The following CEP128 variants were observed in gnomAD, a reference collection of about 807,000 sequenced individuals.
CEP128 encodes the protein centrosomal protein 128kDa.
A neutral mutation model predicts 156.7 loss-of-function variants in CEP128; 132 were observed. The ratio of observed to expected loss-of-function variants is 0.84; its 90% CI spans 0.73 to 0.97. The LOEUF is 0.97. Ranked by LOEUF, CEP128 falls within the 50% of genes least tolerant of loss-of-function variation. The pLI, the probability that CEP128 is intolerant of heterozygous loss-of-function variation, is 0.00. For synonymous variants in CEP128, 469 were observed against 448.9 expected, an observed-to-expected ratio of 1.04 and a Z score of -0.57; for missense variants, 1,252 against 1,281.9, an observed-to-expected ratio of 0.98 and a Z score of 0.36.
chr14:80,570,193 C>T (rs1357893035), intron 20 of CEP128, among the ~76,000 whole-genome samples: 2 of 152,196 alleles, frequency 1.3e-5, no homozygotes, highest in Non-Finnish European at 2.9e-5. Flanking sequence ...TCTTGGCTCA[C>T]TGCAACCTCC....
At chr14:80,918,189 T>C (rs1274222152) in intron 2 of CEP128, among the ~76,000 whole-genome samples, 1 of 152,236 alleles carries the variant, frequency 6.6e-6, no homozygotes, top group Non-Finnish European at 1.5e-5. Context: ...CACAATTGCT[T>C]AAGTCCAAAG....
intron 23 of CEP128, among the ~76,000 whole-genome samples, chr14:80,521,860 T>C (rs1888760985): frequency 6.6e-6 from 1 of 152,224 alleles, no homozygotes; most frequent in African/African-American, 2.4e-5. Flanking sequence ...AACATCAGTG[T>C]TCACCTACAG....
downstream of CEP128, among the ~76,000 whole-genome samples, chr14:80,495,293 A>G (rs1389877807): frequency 6.6e-6 from 1 of 152,160 alleles, no homozygotes; most frequent in African/African-American, 2.4e-5. Context: ...TTTCCTTAGC[A>G]TTCTTTTTGA....
At chr14:80,521,058 G>A (rs1222939619) in intron 23 of CEP128, among the ~76,000 whole-genome samples, 1 of 146,570 alleles carries the variant, frequency 6.8e-6, no homozygotes, top group East Asian at 2.0e-4. Flanking sequence ...AGCCAGGATG[G>A]TCTCGATCTC....
Position 80,556,793 on chromosome 14 carries a change from C to A in CEP128, c.2880+2486G>T, listed in dbSNP as rs531649907. 1.5e-3 allele frequency among the ~76,000 whole-genome samples: 227 copies of A among 152,248 alleles called. 1 individual carries two copies. The highest frequency in any genetic ancestry group is 5.2e-3 in the African/African-American group (216 of 41,560). ...AACTCAACCAAATATGGACCAACAA[C>A]ATTTTTCTAAGTTTTAAGCACTGAC... On this transcript the variant is annotated intron_variant, in intron 21 of 24. Coordinates refer to ENST00000555265, the MANE Select transcript of CEP128 (RefSeq NM_152446.5).
chr14:80,778,861 T>G (rs1006392484), intron 15 of CEP128, among the ~76,000 whole-genome samples: 23 of 152,350 alleles, frequency 1.5e-4, no homozygotes, highest in African/African-American at 5.5e-4. Context: ...CTTTTCTGTA[T>G]ACAGTTTTTC....
At chr14:80,918,681 C>G (rs181377838) in intron 2 of CEP128, among the ~76,000 whole-genome samples, 296 of 152,254 alleles carry the variant, frequency 1.9e-3, no homozygotes, top group Non-Finnish European at 3.4e-3. Flanking sequence ...ACAAAAAGTG[C>G]TAAAGAGAGC....
intron 4 of CEP128, among the ~76,000 whole-genome samples, chr14:80,906,886 A>T (rs1259986498): frequency 6.6e-6 from 1 of 152,244 alleles, no homozygotes; most frequent in Admixed American, 6.5e-5. Flanking sequence ...TCGGGTCTAG[A>T]TATCTTATTC....
intron 19 of CEP128, among the ~76,000 whole-genome samples, chr14:80,618,657 T>C (rs984698410): frequency 6.6e-6 from 1 of 152,184 alleles, no homozygotes; most frequent in Non-Finnish European, 1.5e-5. Flanking sequence ...GATTTTAATA[T>C]CCACTAAGTG....
intron 8 of CEP128, among the ~76,000 whole-genome samples, chr14:80,864,542 C>T (rs1179988328): frequency 6.6e-6 from 1 of 151,868 alleles, no homozygotes; most frequent in Non-Finnish European, 1.5e-5. Flanking sequence ...AGTTACTATA[C>T]TTGGAAGATT....
At chr14:80,775,902 G>A (rs1005048995) in intron 16 of CEP128, among the ~76,000 whole-genome samples, 4 of 152,164 alleles carry the variant, frequency 2.6e-5, no homozygotes, top group East Asian at 1.9e-4. Context: ...GCACGATCTC[G>A]GCTCGCTGCG....
chr14:80,518,469 C>T (rs1000798074), intron 23 of CEP128, among the ~76,000 whole-genome samples: 5 of 152,046 alleles, frequency 3.3e-5, no homozygotes, highest in Admixed American at 1.3e-4. Context: ...ATTCTATAAA[C>T]GTCAATTAAA....
intron 19 of CEP128, chr14:80,742,787 AATGTAAACATCAGC>A (rs1258943324): frequency 2.4e-5 from 8 of 337,050 alleles, no homozygotes; most frequent in Non-Finnish European, 3.8e-5. Context: ...TACTGAAGTA[AATGTAAACATCAGC>A]ATTTTACTAA....
exon 15 of CEP128, chr14:80,477,136 A>G (rs1265925750): frequency 1.3e-5 from 2 of 152,172 alleles, no homozygotes; most frequent in Non-Finnish European, 2.9e-5. Context: ...TAAATTAACC[A>G]AGGAACTCAT....
chr14:80,875,710 A>T (rs911752942), intron 8 of CEP128, among the ~76,000 whole-genome samples: 2 of 152,202 alleles, frequency 1.3e-5, no homozygotes, highest in Non-Finnish European at 2.9e-5. Context: ...TTACTAAATA[A>T]AAAGAAATAA....
At chr14:80,736,138 T>C (rs909096779) in intron 19 of CEP128, among the ~76,000 whole-genome samples, 1 of 152,050 alleles carries the variant, frequency 6.6e-6, no homozygotes, top group Non-Finnish European at 1.5e-5. Context: ...TAGTACTCAT[T>C]ACAACACACC....
At chr14:80,806,064 T>C (rs10130613) in intron 13 of CEP128, among the ~76,000 whole-genome samples, 9,844 of 152,218 alleles carry the variant, frequency 0.065, 1,060 homozygotes, top group African/African-American at 0.22. Flanking sequence ...CTTTAAAATA[T>C]AGCCTACTGT....
chr14:80,512,421 G>C (rs765589598), intron 23 of CEP128, among the ~76,000 whole-genome samples: 1 of 151,792 alleles, frequency 6.6e-6, no homozygotes, highest in Non-Finnish European at 1.5e-5. Flanking sequence ...TTGGGTTTCT[G>C]TTTGCATGAA....
At chr14:80,726,536 CAG>C (rs1412732741) in intron 19 of CEP128, among the ~76,000 whole-genome samples, 1 of 152,122 alleles carries the variant, frequency 6.6e-6, no homozygotes, top group Non-Finnish European at 1.5e-5. Flanking sequence ...TCCCTAAAAG[CAG>C]AGAGTGTCCT....
Sources: gnomAD v4.1 joint callset for allele counts (sites outside exome capture counted in the v4.1 genomes callset) on GRCh38, gnomAD v4.1.1 for gene constraint, MANE v1.5 for transcripts, NCBI Gene and HGNC (gene_info 2026-07-23, HGNC 2026-07-21) for gene names.